TRABD2B: variants seen among roughly 807,000 people sequenced by gnomAD.
TRABD2B encodes the protein TraB domain containing 2B.
In TRABD2B, 14 loss-of-function variants were observed where a neutral mutation model predicts 40.1. The observed-to-expected ratio is 0.35, with a 90% CI of 0.23 to 0.55. The LOEUF (loss-of-function observed/expected upper bound fraction) is 0.55. Ranked by LOEUF, TRABD2B falls within the 20% of genes least tolerant of loss-of-function variation. The pLI, the probability that TRABD2B is intolerant of heterozygous loss-of-function variation, is 0.90. For missense variants in TRABD2B, 541 were observed against 648.6 expected (o/e 0.83, Z 1.80); for synonymous variants, 263 against 277.0 (o/e 0.95, Z 0.50).
At chr1:47,843,147 C>A (rs1002927339) in intron 2 of TRABD2B, among the ~76,000 whole-genome samples, 2 of 152,100 alleles carry the variant, frequency 1.3e-5, no homozygotes, top group African/African-American at 2.4e-5. Flanking sequence ...CAAGCAGGAC[C>A]TAAGGCCATC....
At chr1:47,867,333 T>C (rs1644073714) in intron 2 of TRABD2B, among the ~76,000 whole-genome samples, 1 of 152,128 alleles carries the variant, frequency 6.6e-6, no homozygotes, top group South Asian at 2.1e-4. Context: ...AGGAAACTGA[T>C]AAAAATGCAA....
At chr1:47,906,876 T>C (rs1644685680) in intron 2 of TRABD2B, among the ~76,000 whole-genome samples, 1 of 152,248 alleles carries the variant, frequency 6.6e-6, no homozygotes, top group Non-Finnish European at 1.5e-5. Context: ...CAGGGGGACC[T>C]GCCAACACCA....
intron 2 of TRABD2B, among the ~76,000 whole-genome samples, chr1:47,906,022 G>T (rs767007121): frequency 6.6e-6 from 1 of 152,020 alleles, no homozygotes; most frequent in South Asian, 2.1e-4. Context: ...ATTTTTTTAT[G>T]CCCAGAAACA....
chr1:47,979,034 C>T (rs1293942143), intron 2 of TRABD2B, among the ~76,000 whole-genome samples: 1 of 151,994 alleles, frequency 6.6e-6, no homozygotes, highest in Non-Finnish European at 1.5e-5. Flanking sequence ...GATGCTACAG[C>T]CGCACCAGGA....
chr1:47,760,795 G>A lies in TRABD2B; in HGVS notation c.*5107C>T, dbSNP rs187358127. The A allele has an allele frequency of 1.3e-5, 2 of 152,302 alleles. No homozygotes were observed. Among genetic ancestry groups the A allele is most frequent in the Admixed American group, 1.3e-4 (2 of 15,290 alleles). The allele number at this position is 152,302 out of a possible 1,614,324, so 9.4% of individuals were successfully genotyped here. A position where few individuals can be genotyped will look rare whatever the true frequency, so the allele number is the denominator to read the frequency against. On this transcript the variant is annotated 3_prime_UTR_variant, in exon 7 of 7. Transcript: ENST00000606738. ...TGGGGCAGGGGCTCTGGCTTCCTCT[G>A]TTCTGGGCTAGAGCCTCCTTTGGCT...
chr1:47,812,070 C>T (rs1644972632), intron 2 of TRABD2B, among the ~76,000 whole-genome samples: 1 of 152,214 alleles, frequency 6.6e-6, no homozygotes, highest in African/African-American at 2.4e-5. Context: ...CCAGGGCCTC[C>T]ACTCTGCCCA....
chr1:47,905,603 C>T (rs1203285185), intron 2 of TRABD2B, among the ~76,000 whole-genome samples: 1 of 152,210 alleles, frequency 6.6e-6, no homozygotes, highest in Non-Finnish European at 1.5e-5. Context: ...CCATCCTTTG[C>T]ACCTGATGCC....
In TRABD2B at chr1:47,996,139, T is replaced by C. The variant is rs1353832855; in HGVS notation, c.102+549A>G. ...CCCTCTTTTCACGAAATATGGACGC[T>C]TGGGAGAGTAGGTGGTGGGAGCCTG... On this transcript the variant is annotated intron_variant, in intron 1 of 6. Transcript: ENST00000606738. This position sits in a 1 kb window ranked among gnomAD's most constrained non-coding sequence, Gnocchi z 4.6. Among the ~76,000 whole-genome samples, 1 of 151,884 alleles carries C rather than the reference T, an allele frequency of 6.6e-6. No individual in the cohort carries two copies. The highest frequency in any genetic ancestry group is 1.9e-4 in the East Asian group (1 of 5,166).
chr1:47,916,601 G>C (rs1262233142), intron 2 of TRABD2B, among the ~76,000 whole-genome samples: 1 of 152,258 alleles, frequency 6.6e-6, no homozygotes, highest in African/African-American at 2.4e-5. Context: ...ATCTCACAGA[G>C]GGTGACGAAA....
At chr1:47,987,766 T>C (rs1231579747) in intron 2 of TRABD2B, among the ~76,000 whole-genome samples, 4 of 152,190 alleles carry the variant, frequency 2.6e-5, no homozygotes, top group Non-Finnish European at 2.9e-5. Context: ...CACCCGGTGA[T>C]GGACATTTGC....
intron 2 of TRABD2B, among the ~76,000 whole-genome samples, chr1:47,866,231 G>A (rs1252601305): frequency 2.0e-5 from 3 of 151,774 alleles, no homozygotes; most frequent in African/African-American, 4.8e-5. Context: ...CTCTAAAGTC[G>A]ATGTCCGAGG....
chr1:47,896,047 C>A (rs1644516007), intron 2 of TRABD2B, among the ~76,000 whole-genome samples: 1 of 152,254 alleles, frequency 6.6e-6, no homozygotes, highest in African/African-American at 2.4e-5. Context: ...ACATTGTGAT[C>A]TCCAGCCCCT....
At chr1:47,767,673 G>A (rs931438117) in intron 6 of TRABD2B, among the ~76,000 whole-genome samples, 17 of 152,246 alleles carry the variant, frequency 1.1e-4, no homozygotes, top group African/African-American at 3.9e-4. Flanking sequence ...CAAGAAGCTT[G>A]CCCTTCCCTT....
chr1:47,791,437 G>A (rs1299794802), intron 4 of TRABD2B, among the ~76,000 whole-genome samples: 1 of 152,202 alleles, frequency 6.6e-6, no homozygotes, highest in Non-Finnish European at 1.5e-5. Flanking sequence ...TGCATGAGCA[G>A]ACACATGCCT....
intron 2 of TRABD2B, among the ~76,000 whole-genome samples, chr1:47,875,740 A>C (rs1393893163): frequency 6.6e-6 from 1 of 151,912 alleles, no homozygotes; most frequent in East Asian, 1.9e-4. Flanking sequence ...GCAGAAAAGA[A>C]AAGGACAAAG....
At chr1:47,785,927 C>T (rs886092247) in intron 4 of TRABD2B, among the ~76,000 whole-genome samples, 9 of 152,210 alleles carry the variant, frequency 5.9e-5, no homozygotes, top group Non-Finnish European at 7.3e-5. Flanking sequence ...TTTGCCACAG[C>T]GTCCCAGTTG....
intron 4 of TRABD2B, among the ~76,000 whole-genome samples, chr1:47,792,743 G>A (rs1015447951): frequency 6.6e-6 from 1 of 152,118 alleles, no homozygotes; most frequent in Non-Finnish European, 1.5e-5. Context: ...CCCCAGCCCT[G>A]GGAGACTCTG....
intron 2 of TRABD2B, among the ~76,000 whole-genome samples, chr1:47,914,428 G>A (rs976538431): frequency 1.3e-5 from 2 of 152,230 alleles, no homozygotes; most frequent in African/African-American, 4.8e-5. Context: ...CCCGCTGTGG[G>A]AAGAGCGGGG....
At chr1:47,769,640 T>C (rs1644353209) in intron 6 of TRABD2B, among the ~76,000 whole-genome samples, 1 of 152,124 alleles carries the variant, frequency 6.6e-6, no homozygotes, top group African/African-American at 2.4e-5. Context: ...GGGGAAACTG[T>C]CTCATGGCAA....
Sources: allele counts gnomAD v4.1 joint callset (sites outside exome capture counted in the v4.1 genomes callset), GRCh38; gene constraint gnomAD v4.1.1; non-coding constraint Gnocchi (gnomAD v3.1); transcripts MANE v1.5; gene names NCBI Gene and HGNC (gene_info 2026-07-23, HGNC 2026-07-21).